EPB41: variants seen among roughly 807,000 people sequenced by gnomAD.
The protein encoded by EPB41 is protein 4.1.
Under a neutral mutation model 108.0 loss-of-function variants are expected in EPB41, and 65 were observed. The ratio of observed to expected loss-of-function variants is 0.60; its 90% CI spans 0.49 to 0.74. The LOEUF (loss-of-function observed/expected upper bound fraction) is 0.74, where lower values mean the gene tolerates loss of function less well. EPB41 is among the 30% of genes least tolerant of loss of function. EPB41 has a pLI of 0.00. For synonymous variants in EPB41, 336 were observed against 358.9 expected (o/e 0.94, Z 0.72); for missense variants, 875 against 1,037.0 (o/e 0.84, Z 2.15).
At chr1:29,056,348 C>T (rs1352107337) in intron 12 of EPB41, among the ~76,000 whole-genome samples, 1 of 151,832 alleles carries the variant, frequency 6.6e-6, no homozygotes, top group African/African-American at 2.4e-5. Flanking sequence ...ATAAAGTAGC[C>T]TTGTAACTGT....
At chr1:29,070,806 G>C in intron 16 of EPB41, 2 of 862,652 alleles carry the variant, frequency 2.3e-6, no homozygotes, top group Non-Finnish European at 3.1e-6. Context: ...GAGTAGCAAT[G>C]GACTGCCCAA....
intron 1 of EPB41, among the ~76,000 whole-genome samples, chr1:28,946,226 C>T (rs1164921776): frequency 3.3e-5 from 5 of 149,930 alleles, no homozygotes; most frequent in Non-Finnish European, 7.4e-5. Context: ...GATGAATTCT[C>T]GCTCTTTCGC....
chr1:29,095,155 T>G (rs1662752623), intron 16 of EPB41, among the ~76,000 whole-genome samples: 1 of 152,218 alleles, frequency 6.6e-6, no homozygotes, highest in Non-Finnish European at 1.5e-5. Context: ...CTCTACTTGC[T>G]TTAGAACTGT....
intron 1 of EPB41, among the ~76,000 whole-genome samples, chr1:28,982,864 A>T (rs564211467): frequency 2.6e-5 from 4 of 152,120 alleles, no homozygotes; most frequent in Non-Finnish European, 4.4e-5. Flanking sequence ...GTGTTCTGTT[A>T]TGTTTTTATG....
At chr1:29,000,069 A>G (rs1361050519) in intron 4 of EPB41, among the ~76,000 whole-genome samples, 6 of 151,120 alleles carry the variant, frequency 4.0e-5, no homozygotes, top group Admixed American at 1.3e-4. Context: ...AATTACAGGC[A>G]TGACCCACTA....
Position 28,904,481 on chromosome 1 carries a change from T to C in EPB41, c.-8+17271T>C, listed in dbSNP as rs559378801. 2.6e-5 allele frequency among the ~76,000 whole-genome samples: 4 copies of C among 152,266 alleles called. No individual in the cohort carries two copies. In the South Asian group the frequency reaches 6.2e-4, roughly 24 times the overall value. ...TCATTTGACCCTTCTTCCTTTCTTA[T>C]ATTGAAGCTCTAACCTCTAAGGTAA... On this transcript the variant is annotated intron_variant, in intron 1 of 16. Transcript: ENST00000347529.
At chr1:29,036,497 G>T (rs1639512913) in intron 10 of EPB41, among the ~76,000 whole-genome samples, 1 of 152,058 alleles carries the variant, frequency 6.6e-6, no homozygotes, top group South Asian at 2.1e-4. Flanking sequence ...CTGACCTCAG[G>T]TGATCCACTT....
At chr1:29,071,076 T>C (rs1165611910) in intron 16 of EPB41, 1 of 152,862 alleles carries the variant, frequency 6.5e-6, no homozygotes, top group East Asian at 1.9e-4. Context: ...CTCGCTAACC[T>C]TTCAGAAGCC....
intron 17 of EPB41, among the ~76,000 whole-genome samples, 177 bp downstream of exon 17, chr1:29,098,112 G>A (rs1663874639): frequency 6.6e-6 from 1 of 152,190 alleles, no homozygotes; most frequent in African/African-American, 2.4e-5. Context: ...GCAAAAAATT[G>A]AGCAGAGCAC....
At chr1:28,974,936 A>G (rs1264504443) in intron 1 of EPB41, among the ~76,000 whole-genome samples, 1 of 152,044 alleles carries the variant, frequency 6.6e-6, no homozygotes, top group Non-Finnish European at 1.5e-5. Context: ...CTGGGATTAC[A>G]GGCATGCGCC....
At chr1:29,023,326 A>G (rs1455426928) in intron 7 of EPB41, among the ~76,000 whole-genome samples, 1 of 151,910 alleles carries the variant, frequency 6.6e-6, no homozygotes, top group Non-Finnish European at 1.5e-5. Context: ...AATTTAATAA[A>G]CATTTTAAAT....
chr1:29,030,617 A>G, intron 8 of EPB41, 130 bp downstream of exon 8: 9 of 769,194 alleles, frequency 1.2e-5, no homozygotes, highest in Middle Eastern at 3.8e-4. Context: ...AAAACATTCA[A>G]AAGAGATAGT....
At chr1:28,930,460 A>T (rs554806093) in intron 1 of EPB41, among the ~76,000 whole-genome samples, 1 of 148,840 alleles carries the variant, frequency 6.7e-6, no homozygotes, top group Non-Finnish European at 1.5e-5. Context: ...GAACCACTAC[A>T]TCTGGCCCTG....
chr1:28,928,894 G>C (rs1400210429), intron 1 of EPB41, among the ~76,000 whole-genome samples: 3 of 152,150 alleles, frequency 2.0e-5, no homozygotes, highest in Admixed American at 6.5e-5. Context: ...GTGCAATACA[G>C]TCAAAGATCT....
chr1:28,934,034 GA>G (rs1284195082), intron 1 of EPB41, among the ~76,000 whole-genome samples: 1 of 151,932 alleles, frequency 6.6e-6, no homozygotes, highest in Non-Finnish European at 1.5e-5. Flanking sequence ...TACCATCCAG[GA>G]TACCACATTA....
chr1:28,905,483 A>G (rs1467616963), intron 1 of EPB41, among the ~76,000 whole-genome samples: 5 of 150,458 alleles, frequency 3.3e-5, no homozygotes, highest in Non-Finnish European at 7.4e-5. Flanking sequence ...GCGACAGAGG[A>G]AGACTATGTC....
chr1:29,110,645 A>G (rs550656069), intron 18 of EPB41, among the ~76,000 whole-genome samples: 1 of 152,332 alleles, frequency 6.6e-6, no homozygotes, highest in East Asian at 1.9e-4. Context: ...TTTAATAGGT[A>G]AGAAATATAG....
At chr1:29,028,165 C>T (rs1041236706) in intron 7 of EPB41, among the ~76,000 whole-genome samples, 1 of 152,120 alleles carries the variant, frequency 6.6e-6, no homozygotes, top group Non-Finnish European at 1.5e-5. Flanking sequence ...TTTATAGAAG[C>T]ATGTAACTAC....
rs1671527029 is a variant in EPB41 at position 29,119,501 on chromosome 1, C to T, written c.*2689C>T. The T allele has an allele frequency of 6.6e-6, 1 of 152,276 alleles. No homozygotes were observed. Among genetic ancestry groups the T allele is most frequent in the Non-Finnish European group, 1.5e-5 (1 of 68,056 alleles). 9.4% of individuals were successfully genotyped at this position (152,276 alleles called of 1,614,324 possible). The stretch of plus-strand genomic sequence containing the variant: ...CAAGCCACATGAGGACTCTGGCACC[C>T]ACCCACAAAGCAAGACCTGTATTTA... On this transcript the variant is annotated 3_prime_UTR_variant, in exon 21 of 21. Transcript: ENST00000343067.
Sources: allele counts gnomAD v4.1 joint callset (sites outside exome capture counted in the v4.1 genomes callset), GRCh38; gene constraint gnomAD v4.1.1; transcripts MANE v1.5; gene names NCBI Gene and HGNC (gene_info 2026-07-23, HGNC 2026-07-21).